Variants in XDH observed in about 807,000 individuals in gnomAD.
XDH encodes the protein xanthine dehydrogenase/oxidase.
Under a neutral mutation model 156.1 loss-of-function variants are expected in XDH, and 138 were observed. That is an observed-to-expected ratio of 0.88 (90% CI 0.77 to 1.02). The LOEUF (loss-of-function observed/expected upper bound fraction) is 1.02. Among genes scored for constraint, XDH ranks in the 50% least tolerant of loss-of-function variants. XDH has a pLI of 0.00. For missense variants in XDH, 1,849 were observed against 1,684.9 expected (o/e 1.10, Z -1.71); for synonymous variants, 669 against 625.7 (o/e 1.07, Z -1.03).
At chr2:31,378,328 A>G (rs1686334188) in intron 13 of XDH, among the ~76,000 whole-genome samples, 1 of 152,064 alleles carries the variant, frequency 6.6e-6, no homozygotes, top group African/African-American at 2.4e-5. Context: ...AGCATGAGCT[A>G]TTTTCCAGGA....
chr2:31,344,758 C>T, intron 30 of XDH, 22 bp from the exon 31 acceptor site: 2 of 1,613,914 alleles, frequency 1.2e-6, no homozygotes, highest in Non-Finnish European at 1.7e-6. Context: ...AGATGGCCAT[C>T]AGGCAGGTGA....
intron 32 of XDH, among the ~76,000 whole-genome samples, chr2:31,341,743 T>C (rs145297163): frequency 2.5e-3 from 386 of 152,338 alleles, no homozygotes; most frequent in African/African-American, 8.8e-3. Flanking sequence ...AGAGTCAATA[T>C]ACTACGTTCC....
At chr2:31,414,277 G>T (rs1342224215) in intron 1 of XDH, among the ~76,000 whole-genome samples, 1 of 151,994 alleles carries the variant, frequency 6.6e-6, no homozygotes, top group East Asian at 1.9e-4. Context: ...GACAGAAATA[G>T]AAGTGTGGTG....
chr2:31,404,298 G>A (rs1464134335), intron 2 of XDH, among the ~76,000 whole-genome samples: 1 of 152,150 alleles, frequency 6.6e-6, no homozygotes, highest in African/African-American at 2.4e-5. Flanking sequence ...AACTTTGGGG[G>A]CACCTGAAGA....
At chr2:31,410,638 C>A (rs141721252) in intron 1 of XDH, among the ~76,000 whole-genome samples, 88 of 152,248 alleles carry the variant, frequency 5.8e-4, no homozygotes, top group African/African-American at 2.0e-3. Flanking sequence ...TGACAGAATG[C>A]AGTGAGAAAA....
chr2:31,410,031 C>T (rs530156348), intron 1 of XDH, among the ~76,000 whole-genome samples: 170 of 152,238 alleles, frequency 1.1e-3, no homozygotes, highest in Non-Finnish European at 1.9e-3. Flanking sequence ...TGTGATACAT[C>T]CATACAATGG....
chr2:31,407,050 T>C (rs1169414947), intron 1 of XDH, among the ~76,000 whole-genome samples: 3 of 152,218 alleles, frequency 2.0e-5, no homozygotes, highest in Non-Finnish European at 2.9e-5. Context: ...AAAGGGTGTA[T>C]ATTATTGGGA....
intron 6 of XDH, among the ~76,000 whole-genome samples, chr2:31,394,559 CTG>C (rs540736427): frequency 5.9e-5 from 9 of 152,088 alleles, no homozygotes; most frequent in Admixed American, 3.3e-4. Flanking sequence ...TTTCCTGACT[CTG>C]TGGTTTAAAA....
At chr2:31,359,054 G>A (rs1374545585) in intron 24 of XDH, among the ~76,000 whole-genome samples, 1 of 152,058 alleles carries the variant, frequency 6.6e-6, no homozygotes, top group Non-Finnish European at 1.5e-5. Flanking sequence ...AATGAGTTCT[G>A]CAAGGTCACA....
intron 11 of XDH, among the ~76,000 whole-genome samples, 186 bp downstream of exon 11, chr2:31,382,815 C>T (rs1043815857): frequency 6.6e-6 from 1 of 152,192 alleles, no homozygotes; most frequent in Non-Finnish European, 1.5e-5. Context: ...ACATCCCAGA[C>T]CCATGTATCA....
chr2:31,344,013 G>C (rs765477480), intron 31 of XDH, among the ~76,000 whole-genome samples: 6 of 152,010 alleles, frequency 3.9e-5, no homozygotes, highest in Non-Finnish European at 7.4e-5. Context: ...AAAGGTCCTA[G>C]CTAAACTTCC....
chr2:31,344,863 T>C, intron 30 of XDH, 127 bp from the exon 31 acceptor site: 1 of 945,708 alleles, frequency 1.1e-6, no homozygotes. Flanking sequence ...GACTCCCATT[T>C]CCATACCTTA....
chr2:31,405,904 T>C lies in XDH; in HGVS notation c.100+3A>G, dbSNP rs959538358. The C allele has an allele frequency of 5.6e-6, 9 of 1,614,060 alleles. No homozygotes were observed. Among genetic ancestry groups the C allele is most frequent in the Non-Finnish European group, 6.8e-6 (8 of 1,180,026 alleles). ...CGTCACTCCCACTCCAAAGTCAGGA[T>C]ACACTTTCTTCTCAGGTAGGCCAAA... is the stretch of plus-strand genomic sequence containing the variant. On this transcript the variant is annotated splice_donor_region_variant and intron_variant, in intron 2 of 35. Transcript: ENST00000379416.
chr2:31,379,129 G>C (rs545097091), intron 13 of XDH, among the ~76,000 whole-genome samples: 1 of 152,116 alleles, frequency 6.6e-6, no homozygotes, highest in Non-Finnish European at 1.5e-5. Context: ...GGCCCTTTTG[G>C]ATGTGTTCTG....
rs1209461729 is a variant in XDH at position 31,366,998 on chromosome 2, G to A, written c.2198-4C>T. 2 of 1,614,166 alleles carry A rather than the reference G, an allele frequency of 1.2e-6. No homozygotes were observed. On this transcript the variant is annotated splice_polypyrimidine_tract_variant and splice_region_variant and intron_variant, in intron 20 of 35. Coordinates refer to ENST00000379416, the MANE Select transcript of XDH (RefSeq NM_000379.4). ...TGGCCACCGATGTATATCTCCCCTG[G>A]GGAAGCAGTGAGATCCCTCACAGTG...
At chr2:31,384,714 G>A (rs1316790194) in intron 9 of XDH, among the ~76,000 whole-genome samples, 1 of 152,160 alleles carries the variant, frequency 6.6e-6, no homozygotes, top group Non-Finnish European at 1.5e-5. Flanking sequence ...TTTCTGAAGG[G>A]GGCCCTAGGC....
At position 31,341,322 on chromosome 2, in the gene XDH, G is replaced by T. The variant is rs1486283990; in HGVS notation, c.3585+7C>A. 2 of 1,566,590 alleles carry T rather than the reference G, an allele frequency of 1.3e-6. No homozygotes were observed. Among genetic ancestry groups the T allele is most frequent in the Admixed American group, 3.7e-5 (2 of 53,872 alleles). ...TCTGTCACCACCCTGGTCCCACTGA[G>T]CCTCACCTGTCCAATATCAATGGCA... On this transcript the variant is annotated splice_region_variant and intron_variant, in intron 33 of 35. Transcript: ENST00000379416.
chr2:31,361,733 G>C (rs1479028969), intron 24 of XDH, among the ~76,000 whole-genome samples: 1 of 152,160 alleles, frequency 6.6e-6, no homozygotes, highest in Non-Finnish European at 1.5e-5. Flanking sequence ...AAGACAATCA[G>C]CAATATTTTA....
chr2:31,342,111 G>T, intron 32 of XDH, 72 bp downstream of exon 32: 1 of 1,353,992 alleles, frequency 7.4e-7, no homozygotes, highest in South Asian at 1.2e-5. Flanking sequence ...GTCTCTATCA[G>T]CTCTAGGTAT....
Sources: gnomAD v4.1 joint callset for allele counts (sites outside exome capture counted in the v4.1 genomes callset) on GRCh38, gnomAD v4.1.1 for gene constraint, MANE v1.5 for transcripts, NCBI Gene and HGNC (gene_info 2026-07-23, HGNC 2026-07-21) for gene names.